Variants in AKNA observed in about 807,000 individuals in gnomAD.
AKNA encodes AT-hook transcription factor, also known as microtubule organization protein AKNA.
AKNA carries 67 observed loss-of-function variants against 138.8 expected under a neutral mutation model. The observed-to-expected ratio is 0.48, with a 90% CI of 0.40 to 0.59. The LOEUF (loss-of-function observed/expected upper bound fraction) is 0.59. AKNA is among the 20% of genes least tolerant of loss of function. The pLI is 0.00. For missense variants in AKNA, 1,813 were observed against 1,880.4 expected, an observed-to-expected ratio of 0.96 and a Z score of 0.66; for synonymous variants, 737 against 754.4, an observed-to-expected ratio of 0.98 and a Z score of 0.38.
At chr9:114,332,651 C>T (rs1017481861), downstream of AKNA, among the ~76,000 whole-genome samples, 6 of 152,056 alleles carry the variant, frequency 3.9e-5, no homozygotes, top group South Asian at 2.1e-4. Flanking sequence ...GGCTTATGAA[C>T]GCAACCACTG....
rs1830021577 is a variant in AKNA, at chr9:114,336,887, C to G, written c.*167G>C. 1.2e-6 allele frequency: 1 copy of G among 816,776 alleles called. No homozygotes were observed. Among genetic ancestry groups the G allele is most frequent in the Non-Finnish European group, 1.7e-6 (1 of 590,948 alleles). The allele number at this position is 816,776 out of a possible 1,614,324, so 50.6% of individuals were successfully genotyped here. A position where few individuals can be genotyped will look rare whatever the true frequency, so the allele number is the denominator to read the frequency against. ...CTTGGTGACCGAGCTGACACCCCCT[C>G]CACTTGGAAAGCACAGGGACTGAGC... On this transcript the variant is annotated 3_prime_UTR_variant, in exon 22 of 22. Transcript: ENST00000374088.
chr9:114,358,727 A>C (rs1165717163), intron 11 of AKNA, among the ~76,000 whole-genome samples: 1 of 151,746 alleles, frequency 6.6e-6, no homozygotes, highest in Non-Finnish European at 1.5e-5. Context: ...AAACTATCAC[A>C]AGGACAAAAA....
At chr9:114,361,158 C>T (rs1466672593) in intron 9 of AKNA, among the ~76,000 whole-genome samples, 1 of 152,184 alleles carries the variant, frequency 6.6e-6, no homozygotes, top group East Asian at 1.9e-4. Context: ...GACCCACAAG[C>T]CCCTACATCA....
intron 4 of AKNA, among the ~76,000 whole-genome samples, chr9:114,369,227 A>G (rs949995550): frequency 6.6e-6 from 1 of 152,226 alleles, no homozygotes; most frequent in Non-Finnish European, 1.5e-5. Context: ...TGACCAAGGA[A>G]GGCCTCTTGA....
chr9:114,391,853 CAAAAAA>C (rs61158842), upstream of AKNA, among the ~76,000 whole-genome samples: 13 of 63,064 alleles, frequency 2.1e-4, no homozygotes, highest in South Asian at 7.3e-4. Context: ...GACTCTGTCT[CAAAAAA>C]AAAAAAAAAA....
intron 4 of AKNA, among the ~76,000 whole-genome samples, chr9:114,371,651 C>A (rs1832775719): frequency 2.0e-5 from 3 of 152,188 alleles, no homozygotes; most frequent in Admixed American, 2.0e-4. Context: ...CAAATATGAC[C>A]CTGAAGCTGG....
rs1258218524 is a variant in AKNA at position 114,346,700 on chromosome 9, T to G, written c.3483A>C (p.Ser1161=). 6 of 1,612,422 alleles carry G rather than the reference T, an allele frequency of 3.7e-6. No homozygotes were observed. The highest frequency in any genetic ancestry group is 5.1e-6 in the Non-Finnish European group (6 of 1,179,316). ...ACAGTCGGAGCACCTCCCGAGGCAC[T>G]GAGGAAGACCTGGCTCGCTGCCTTC... is the stretch of plus-strand genomic sequence containing the variant. The part of the protein sequence containing the change: ...PPGRQRARSS[S]VPREVLRLSL... The change falls in exon 17 of 22, where the codon TCA becomes TCC. Residue 1161 remains serine (S), a synonymous_variant. Coordinates refer to ENST00000374088, the MANE Select transcript of AKNA (RefSeq NM_001317950.2).
chr9:114,377,003 G>A lies in AKNA; in HGVS notation c.804C>T (p.Pro268=). The A allele has an allele frequency of 5.0e-6, 8 of 1,614,214 alleles. No individual in the cohort carries two copies. Among genetic ancestry groups the A allele is most frequent in the Non-Finnish European group, 6.8e-6 (8 of 1,180,030 alleles). Residue 268 remains proline (P), a synonymous_variant, in exon 3 of 22, where the codon CCC becomes CCT. Coordinates refer to ENST00000374088, the MANE Select transcript of AKNA (RefSeq NM_001317950.2). ...TPMEFQDSSA[P]PAQSPQHATD... ...TGGCATGCTGCGGACTCTGGGCTGG[G>A]GGAGCTGAGGAGTCCTGGAATTCCA...
chr9:114,337,012 T>TTGGGGG lies in AKNA; in HGVS notation c.*41_*42insCCCCCA. On this transcript the variant is annotated 3_prime_UTR_variant, in exon 22 of 22. Coordinates refer to ENST00000374088, the MANE Select transcript of AKNA (RefSeq NM_001317950.2). Reference sequence around the variant, plus strand: ...CCCACTCCTGGCCTGGCAGGCCACCTGCCCACCCACCCACCCATCTGCCTC... The same window carrying TTGGGGG: ...CCCACTCCTGGCCTGGCAGGCCACCTTGGGGGGCCCACCCACCCACCCATCTGCCTC... The TTGGGGG allele has an allele frequency of 2.2e-4, 267 of 1,207,802 alleles. No homozygotes were observed. Among genetic ancestry groups the TTGGGGG allele is most frequent in the East Asian group, 3.4e-4 (11 of 32,102 alleles). 74.8% of individuals were successfully genotyped at this position (1,207,802 alleles called of 1,614,324 possible).
chr9:114,385,987 G>T (rs1834003568), intron 1 of AKNA, among the ~76,000 whole-genome samples: 1 of 151,308 alleles, frequency 6.6e-6, no homozygotes, highest in African/African-American at 2.5e-5. Context: ...TCTTGATATC[G>T]CAAGGGGATA....
intron 2 of AKNA, 52 bp from the exon 3 acceptor site, chr9:114,377,584 T>A: frequency 6.7e-7 from 1 of 1,500,910 alleles, no homozygotes; most frequent in Non-Finnish European, 9.0e-7. Context: ...TGCACCCACC[T>A]TGTAACTTAC....
Position 114,381,322 on chromosome 9 carries a change from C to T in AKNA, c.12G>A (p.Ser4=), listed in dbSNP as rs748880795. The change falls in exon 2 of 22, where the codon TCG becomes TCA. Residue 4 remains serine, a synonymous_variant. Transcript: ENST00000374088. The part of the protein sequence containing the change: MAS[S]ETEIRWAEPG... ...GCTCAGCCCAGCGGATCTCAGTCTCCGAGCTGGCCATTGGGGCTGGCCTGG... is the reference window on the plus strand; with the variant it reads ...GCTCAGCCCAGCGGATCTCAGTCTCTGAGCTGGCCATTGGGGCTGGCCTGG... The T allele has an allele frequency of 3.4e-5, 55 of 1,594,722 alleles. No homozygotes were observed. The highest frequency in any genetic ancestry group is 9.0e-5 in the South Asian group (8 of 88,966).
At chr9:114,330,778 C>A (rs552854451), downstream of AKNA, 13 of 1,613,418 alleles carry the variant, frequency 8.1e-6, no homozygotes, top group South Asian at 1.4e-4. Flanking sequence ...CTTCCGCCTT[C>A]TGGTTGACTT....
upstream of AKNA, among the ~76,000 whole-genome samples, chr9:114,391,844 A>G (rs1834352219): frequency 9.2e-6 from 1 of 108,472 alleles, no homozygotes; most frequent in Non-Finnish European, 1.8e-5. Context: ...ACAGAGCAAG[A>G]CTCTGTCTCA....
At chr9:114,340,415 T>A (rs1830264414) in intron 21 of AKNA, among the ~76,000 whole-genome samples, 1 of 152,220 alleles carries the variant, frequency 6.6e-6, no homozygotes, top group African/African-American at 2.4e-5. Context: ...TTGAACCCAC[T>A]TTTACTCCTT....
upstream of AKNA, among the ~76,000 whole-genome samples, chr9:114,394,596 C>T (rs927849061): frequency 1.3e-5 from 2 of 152,244 alleles, no homozygotes; most frequent in African/African-American, 4.8e-5. Flanking sequence ...GGAAAGGAAG[C>T]AATCAGCGCC....
upstream of AKNA, among the ~76,000 whole-genome samples, chr9:114,394,913 T>C (rs969144233): frequency 3.3e-5 from 5 of 152,198 alleles, no homozygotes; most frequent in African/African-American, 1.2e-4. Flanking sequence ...ACTCTGGCCC[T>C]GATCCCAGGC....
Position 114,377,372 on chromosome 9 carries a change from C to A in AKNA, c.435G>T (p.Gly145=). 1 of 1,613,858 alleles carries A rather than the reference C, an allele frequency of 6.2e-7. No individual in the cohort carries two copies. The highest frequency in any genetic ancestry group is 8.5e-7 in the Non-Finnish European group (1 of 1,179,908). Residue 145 remains glycine (G), a synonymous_variant, in exon 3 of 22, where the codon GGG becomes GGT. Transcript: ENST00000374088. ...CTTCCAAGCTGAGACCAGCCTCATA[C>A]CCCAACCTTGAGGAGCTCTCTCCAG... ...EEAGESSSRL[G]YEAGLSLEGH...
At chr9:114,357,775 T>G (rs1588973475) in intron 12 of AKNA, 146 bp downstream of exon 12, 11 of 1,316,268 alleles carry the variant, frequency 8.4e-6, no homozygotes, top group Non-Finnish European at 1.1e-5. Context: ...AAGTCCTGCA[T>G]GTCAGGTGGG....
Sources: allele counts gnomAD v4.1 joint callset (sites outside exome capture counted in the v4.1 genomes callset), GRCh38; gene constraint gnomAD v4.1.1; transcripts MANE v1.5; gene names NCBI Gene and HGNC (gene_info 2026-07-23, HGNC 2026-07-21).